Variants in ZFHX3 observed in about 807,000 individuals in gnomAD.
The protein encoded by ZFHX3 is zinc finger homeobox 3.
ZFHX3 carries 42 observed loss-of-function variants against 279.1 expected under a neutral mutation model. That is an observed-to-expected ratio of 0.15 (90% confidence interval 0.12 to 0.19). The LOEUF is 0.19. Ranked by LOEUF, ZFHX3 falls within the 10% of genes least tolerant of loss-of-function variation. The pLI is 1.00. For synonymous variants in ZFHX3, 2,293 were observed against 1,957.8 expected (o/e 1.17, Z -4.52); for missense variants, 4,981 against 4,754.0 (o/e 1.05, Z -1.40).
intron 2 of ZFHX3, among the ~76,000 whole-genome samples, chr16:73,587,613 G>T (rs114361978): frequency 1.3e-5 from 2 of 152,288 alleles, no homozygotes. Flanking sequence ...TACGACATGT[G>T]TCTAACATTC....
At chr16:73,088,836 G>A (rs1472573820) in intron 8 of ZFHX3, among the ~76,000 whole-genome samples, 1 of 152,170 alleles carries the variant, frequency 6.6e-6, no homozygotes, top group Non-Finnish European at 1.5e-5. Flanking sequence ...TGCTGGCCAT[G>A]CCCACTACTC....
At chr16:73,834,978 T>C (rs1408213645) in intron 1 of ZFHX3, among the ~76,000 whole-genome samples, 1 of 152,126 alleles carries the variant, frequency 6.6e-6, no homozygotes, top group Non-Finnish European at 1.5e-5. Context: ...GATTTTGCAG[T>C]GTTTGTAGAA....
intron 2 of ZFHX3, among the ~76,000 whole-genome samples, chr16:73,490,235 A>C (rs1488385799): frequency 6.6e-6 from 1 of 152,238 alleles, no homozygotes; most frequent in Non-Finnish European, 1.5e-5. Context: ...TCATCTACTG[A>C]GACATCCAGT....
At chr16:72,829,115 C>CCA (rs1450359079) in intron 5 of ZFHX3, among the ~76,000 whole-genome samples, 3 of 152,076 alleles carry the variant, frequency 2.0e-5, no homozygotes, top group African/African-American at 7.2e-5. Context: ...AGTGGTTCTC[C>CCA]CACCTCAGCC....
intron 1 of ZFHX3, among the ~76,000 whole-genome samples, chr16:73,021,485 T>A (rs1211096915): frequency 6.6e-6 from 1 of 152,144 alleles, no homozygotes; most frequent in African/African-American, 2.4e-5. Context: ...AATAGAGTCT[T>A]TGAAGTAATT....
intron 7 of ZFHX3, among the ~76,000 whole-genome samples, chr16:73,103,656 G>C (rs1966258687): frequency 1.3e-5 from 2 of 152,196 alleles, no homozygotes; most frequent in Admixed American, 6.5e-5. Context: ...CACTCACAGT[G>C]CATGAGCATT....
At chr16:72,985,905 A>G (rs552477824) in intron 1 of ZFHX3, among the ~76,000 whole-genome samples, 1 of 152,270 alleles carries the variant, frequency 6.6e-6, no homozygotes, top group Admixed American at 6.5e-5. Flanking sequence ...TGTAAGCCAC[A>G]ATATTGATTG....
At chr16:72,946,858 G>A (rs575702773) in intron 3 of ZFHX3, among the ~76,000 whole-genome samples, 4 of 152,328 alleles carry the variant, frequency 2.6e-5, no homozygotes, top group Admixed American at 1.3e-4. Flanking sequence ...ACATTTACAT[G>A]TGAAAGCAGA....
chr16:73,623,877 C>A (rs1014404678), intron 2 of ZFHX3, among the ~76,000 whole-genome samples: 28 of 152,274 alleles, frequency 1.8e-4, no homozygotes, highest in African/African-American at 6.7e-4. Context: ...TGATGTACTA[C>A]AATTACCAAA....
rs1323614427 is a variant in ZFHX3, at chr16:73,591,266, T to C, written c.-1547+88914A>G. Among the ~76,000 whole-genome samples the C allele has an allele frequency of 2.6e-5, 4 of 151,750 alleles. No homozygotes were observed. In the East Asian group the frequency reaches 5.8e-4, roughly 22 times the overall value. On this transcript the variant is annotated intron_variant, in intron 2 of 17. Coordinates refer to the ZFHX3 transcript ENST00000641206. ...TACTCAGGAGGCTGAGGCAGGAGAA[T>C]TGCTTGAATCCAGGAGGCAGAGGTT...
chr16:73,278,697 G>A (rs2014373767), intron 4 of ZFHX3, among the ~76,000 whole-genome samples: 1 of 152,114 alleles, frequency 6.6e-6, no homozygotes, highest in Admixed American at 6.6e-5. Flanking sequence ...GTTACTTTTG[G>A]GATCTTGCTG....
At chr16:73,204,547 C>T (rs1020430947) in intron 5 of ZFHX3, among the ~76,000 whole-genome samples, 4 of 152,110 alleles carry the variant, frequency 2.6e-5, no homozygotes, top group Admixed American at 6.5e-5. Context: ...ATGCGAGTGA[C>T]GGGGAATGGC....
At chr16:73,658,228 T>C (rs1306128403) in intron 2 of ZFHX3, among the ~76,000 whole-genome samples, 3 of 152,220 alleles carry the variant, frequency 2.0e-5, no homozygotes, top group Admixed American at 6.5e-5. Context: ...TTTAAATTCA[T>C]GGAAATTTTA....
At chr16:73,001,756 G>A (rs1963507293) in intron 1 of ZFHX3, among the ~76,000 whole-genome samples, 2 of 151,896 alleles carry the variant, frequency 1.3e-5, no homozygotes, top group South Asian at 4.2e-4. Context: ...GGAGGTCAAG[G>A]CTGCAGTGAG....
intron 1 of ZFHX3, among the ~76,000 whole-genome samples, chr16:73,046,614 T>C (rs1381595919): frequency 2.6e-4 from 40 of 152,132 alleles, no homozygotes. Flanking sequence ...CACCTGCTGC[T>C]TGACGGCAAG....
At chr16:73,148,930 G>A (rs1597184071) in intron 5 of ZFHX3, among the ~76,000 whole-genome samples, 1 of 151,686 alleles carries the variant, frequency 6.6e-6, no homozygotes, top group African/African-American at 2.4e-5. Context: ...CTAGGCGACA[G>A]AGCAAGACTC....
chr16:73,503,337 C>T (rs888711795), intron 2 of ZFHX3, among the ~76,000 whole-genome samples: 8 of 152,308 alleles, frequency 5.3e-5, no homozygotes, highest in South Asian at 4.1e-4. Context: ...AGGATGTCTG[C>T]GGTGTTGGGC....
intron 5 of ZFHX3, among the ~76,000 whole-genome samples, chr16:73,176,701 C>T (rs1451253953): frequency 6.6e-6 from 1 of 151,490 alleles, no homozygotes; most frequent in Admixed American, 6.6e-5. Context: ...AATGCTGCCA[C>T]CTTTGGGAAG....
intron 4 of ZFHX3, among the ~76,000 whole-genome samples, chr16:73,304,707 A>G (rs1021584442): frequency 2.0e-5 from 3 of 152,134 alleles, no homozygotes; most frequent in Non-Finnish European, 1.5e-5. Flanking sequence ...CTTTGAACCA[A>G]TCAAACTGCA....
Sources: allele counts gnomAD v4.1 joint callset (sites outside exome capture counted in the v4.1 genomes callset), GRCh38; gene constraint gnomAD v4.1.1; transcripts MANE v1.5; gene names NCBI Gene and HGNC (gene_info 2026-07-23, HGNC 2026-07-21).